Variants in TRPV3 observed in about 807,000 individuals in gnomAD.
TRPV3 encodes the protein transient receptor potential cation channel subfamily V member 3, also known as VRL-3.
Under a neutral mutation model 87.1 loss-of-function variants are expected in TRPV3, and 88 were observed. The ratio of observed to expected loss-of-function variants is 1.01; its 90% CI spans 0.85 to 1.21. The LOEUF is 1.21. TRPV3 is among the 50% of genes most tolerant of loss of function. TRPV3 has a pLI of 0.00. For synonymous variants in TRPV3, 438 were observed against 423.3 expected (o/e 1.03, Z -0.43); for missense variants, 1,054 against 1,030.1 (o/e 1.02, Z -0.32).
At chr17:3,525,007 C>T (rs749374695) in intron 12 of TRPV3, among the ~76,000 whole-genome samples, 16 of 151,978 alleles carry the variant, frequency 1.1e-4, no homozygotes, top group Non-Finnish European at 1.6e-4. Flanking sequence ...CTTTTTAAAT[C>T]GTGGTGTTTT....
Position 3,528,459 on chromosome 17 carries a change from G to A in TRPV3, c.1402-333C>T, listed in dbSNP as rs1001708669. 1.3e-5 allele frequency among the ~76,000 whole-genome samples: 2 copies of A among 152,182 alleles called. No homozygotes were observed. The highest frequency in any genetic ancestry group is 2.9e-5 in the Non-Finnish European group (2 of 68,042). Reference sequence around the variant, plus strand: ...CCGTTAAATAAAGCCGAGGCTCTGTGCCCCACGTGACGCATGGGAAACCGA... The same window carrying A: ...CCGTTAAATAAAGCCGAGGCTCTGTACCCCACGTGACGCATGGGAAACCGA... On this transcript the variant is annotated intron_variant, in intron 10 of 17. Coordinates refer to ENST00000576742, the MANE Select transcript of TRPV3 (RefSeq NM_145068.4). The surrounding 1 kb of genome is among the most constrained non-coding windows in gnomAD (Gnocchi z 4.2).
At chr17:3,552,238 G>A (rs2074582929) in intron 2 of TRPV3, 1 of 148,214 alleles carries the variant, frequency 6.7e-6, no homozygotes. Flanking sequence ...CTGTCGCCCA[G>A]GCTGGAGTGC....
intron 17 of TRPV3, 36 bp from the exon 18 acceptor site, chr17:3,514,047 TC>T: frequency 6.7e-7 from 1 of 1,496,608 alleles, no homozygotes; most frequent in Non-Finnish European, 9.2e-7. Context: ...TAGAAATATA[TC>T]ACTCTGCATA....
rs2074472037 is a variant in TRPV3, at chr17:3,542,390, G to C, written c.643+132C>G. On this transcript the variant is annotated intron_variant, in intron 6 of 17. Coordinates refer to ENST00000576742, the MANE Select transcript of TRPV3 (RefSeq NM_145068.4). ...GAGAGGGTTGCCTGAAGCATCCCTG[G>C]TACCATGCTACATGCTTGGGGCTCC... 4 of 1,009,804 alleles carry C rather than the reference G, an allele frequency of 4.0e-6. No homozygotes were observed. In the African/African-American group the frequency reaches 6.5e-5, roughly 16 times the overall value. 62.6% of individuals were successfully genotyped at this position (1,009,804 alleles called of 1,614,324 possible).
chr17:3,525,155 G>T (rs1418685738), intron 12 of TRPV3, among the ~76,000 whole-genome samples: 1 of 150,556 alleles, frequency 6.6e-6, no homozygotes, highest in Non-Finnish European at 1.5e-5. Flanking sequence ...TAGTAGCTGG[G>T]ATTACAGGCA....
At chr17:3,535,368 T>C (rs1380372010) in intron 7 of TRPV3, among the ~76,000 whole-genome samples, 2 of 102,224 alleles carry the variant, frequency 2.0e-5, no homozygotes, top group Admixed American at 1.0e-4. Flanking sequence ...CCCTCATCCT[T>C]CCTGCTTCCT....
In TRPV3 at chr17:3,524,268, C is replaced by A. The variant is rs1203993390; in HGVS notation, c.1673G>T (p.Gly558Val). 1 of 1,614,222 alleles carries A rather than the reference C, an allele frequency of 6.2e-7. No individual in the cohort carries two copies. Among genetic ancestry groups the A allele is most frequent in the Admixed American group, 1.7e-5 (1 of 60,026 alleles). The change falls in exon 13 of 18, where the codon GGC becomes GTC. Residue 558 changes from glycine (G) to valine (V), a missense_variant. Physicochemically the swap from Gly to Val is moderately radical, Grantham distance 109. Coordinates refer to ENST00000576742, the MANE Select transcript of TRPV3 (RefSeq NM_145068.4). ...CGTATAGTAGAGCATGTTCGCCCAG[C>A]CCAGGGCCATGGCCAGCACGAGGCA... ...LACLVLAMAL[G>V]WANMLYYTRG...
chr17:3,522,070 T>G (rs895645038), intron 13 of TRPV3, among the ~76,000 whole-genome samples: 7 of 152,046 alleles, frequency 4.6e-5, no homozygotes, highest in African/African-American at 1.7e-4. Flanking sequence ...AGCCAGACTC[T>G]GTCTCAAAAA....
At position 3,514,663 on chromosome 17, in the gene TRPV3, C is replaced by T. The variant is rs2074158830; in HGVS notation, c.2208G>A (p.Glu736=). 2 of 1,613,080 alleles carry T rather than the reference C, an allele frequency of 1.2e-6. No individual in the cohort carries two copies. Among genetic ancestry groups the T allele is most frequent in the Admixed American group, 1.7e-5 (1 of 60,004 alleles). Residue 736 remains glutamate (E), a synonymous_variant, in exon 17 of 18, where the codon GAG becomes GAA. Transcript: ENST00000576742. ...DDFRLCLRIN[E]VKWTEWKTHV... The stretch of plus-strand genomic sequence containing the variant: ...GCGTCTTCCATTCAGTCCACTTCAC[C>T]TCATTGATCCTGCAAATGTGATAAT...
chr17:3,544,257 G>A (rs1976480), intron 4 of TRPV3, among the ~76,000 whole-genome samples: 2 of 114,170 alleles, frequency 1.8e-5, no homozygotes, highest in Admixed American at 1.7e-4. Context: ...TCCTCCTGCC[G>A]CAGCCTCCCA....
intron 5 of TRPV3, among the ~76,000 whole-genome samples, chr17:3,542,919 G>A (rs2074481761): frequency 6.6e-6 from 1 of 151,910 alleles, no homozygotes; most frequent in Admixed American, 6.6e-5. Flanking sequence ...ACGTATCTGA[G>A]GCCTTTTGCT....
At chr17:3,514,288 A>G in intron 17 of TRPV3, 1 of 489,516 alleles carries the variant, frequency 2.0e-6, no homozygotes, top group Non-Finnish European at 3.7e-6. Flanking sequence ...CATGTTGGCC[A>G]GGCTGGTCTC....
At chr17:3,549,304 T>C (rs1282880972) in intron 2 of TRPV3, among the ~76,000 whole-genome samples, 8 of 152,222 alleles carry the variant, frequency 5.3e-5, no homozygotes, top group Non-Finnish European at 1.2e-4. Context: ...CAGCTGAGGA[T>C]ACAGTAGTGA....
At chr17:3,541,449 C>T (rs1361670007) in intron 6 of TRPV3, among the ~76,000 whole-genome samples, 2 of 152,172 alleles carry the variant, frequency 1.3e-5, no homozygotes, top group Admixed American at 6.5e-5. Context: ...TTGAGTCAAT[C>T]GCTTTTGCCA....
Position 3,540,185 on chromosome 17 carries a change from A to G in TRPV3, c.643+2337T>C, listed in dbSNP as rs542989980. Among the ~76,000 whole-genome samples the G allele has an allele frequency of 7.2e-5, 11 of 152,326 alleles. No homozygotes were observed. The South Asian group carries it at 1.7e-3, about 23-fold the overall frequency. ...TAGGGTGACAGAAAGTGACTGGGGA[A>G]GGGAAACTTTAGAGTGGACAATCAG... On this transcript the variant is annotated intron_variant, in intron 6 of 17. Transcript: ENST00000576742.
At chr17:3,544,737 A>T (rs555437018) in intron 3 of TRPV3, 72 bp from the exon 4 acceptor site, 1 of 1,111,738 alleles carries the variant, frequency 9.0e-7, no homozygotes, top group African/African-American at 1.5e-5. Context: ...TGGCTCATGC[A>T]TGTAATCCCA....
intron 13 of TRPV3, among the ~76,000 whole-genome samples, chr17:3,522,839 C>CAAA (rs2074260788): frequency 6.8e-6 from 1 of 146,738 alleles, no homozygotes; most frequent in Non-Finnish European, 1.5e-5. Context: ...AAAAAAAAAG[C>CAAA]AAAAATTATT....
In TRPV3 at chr17:3,532,801, G is replaced by T. The variant is rs375714726; in HGVS notation, c.921C>A (p.Ala307=). 1.9e-6 allele frequency: 3 copies of T among 1,614,230 alleles called. No homozygotes were observed. Among genetic ancestry groups the T allele is most frequent in the Non-Finnish European group, 2.5e-6 (3 of 1,180,038 alleles). Reference sequence around the variant, plus strand: ...AGTCATTCTGCGTCTTGAAGTCCTCGGCCACGGTCACCAGGGCGTGAAGGA... The same window carrying T: ...AGTCATTCTGCGTCTTGAAGTCCTCTGCCACGGTCACCAGGGCGTGAAGGA... ...NNILHALVTV[A]EDFKTQNDFV... The change falls in exon 8 of 18, where the codon GCC becomes GCA. Residue 307 remains alanine (A), a synonymous_variant. Coordinates refer to ENST00000576742, the MANE Select transcript of TRPV3 (RefSeq NM_145068.4).
chr17:3,514,559 G>A (rs1339502414), intron 17 of TRPV3, 34 bp downstream of exon 17: 4 of 1,496,010 alleles, frequency 2.7e-6, no homozygotes, highest in South Asian at 2.3e-5. Context: ...TCTGAGACAG[G>A]AGCGGACACC....
Sources: allele counts gnomAD v4.1 joint callset (sites outside exome capture counted in the v4.1 genomes callset), GRCh38; gene constraint gnomAD v4.1.1; non-coding constraint Gnocchi (gnomAD v3.1); transcripts MANE v1.5; gene names NCBI Gene and HGNC (gene_info 2026-07-23, HGNC 2026-07-21).